C3orf20: variants seen among roughly 807,000 people sequenced by gnomAD.
The protein encoded by C3orf20 is uncharacterized protein C3orf20.
In C3orf20, 76 loss-of-function variants were observed where a neutral mutation model predicts 88.3. The ratio of observed to expected loss-of-function variants is 0.86; its 90% CI spans 0.72 to 1.04. The LOEUF (loss-of-function observed/expected upper bound fraction) is 1.04, where lower values mean the gene tolerates loss of function less well. C3orf20 is among the 50% of genes least tolerant of loss of function. The pLI, the probability that C3orf20 is intolerant of heterozygous loss-of-function variation, is 0.00. For synonymous variants in C3orf20, 436 were observed against 437.4 expected (o/e 1.00, Z 0.04); for missense variants, 1,056 against 1,123.3 (o/e 0.94, Z 0.86).
intron 12 of C3orf20, among the ~76,000 whole-genome samples, chr3:14,753,259 G>T (rs1370181793): frequency 4.6e-5 from 7 of 152,096 alleles, no homozygotes; most frequent in African/African-American, 1.7e-4. Flanking sequence ...AACACCACAT[G>T]TTGTCACTCA....
At chr3:14,693,703 T>A (rs1301859028) in intron 5 of C3orf20, among the ~76,000 whole-genome samples, 5 of 152,184 alleles carry the variant, frequency 3.3e-5, no homozygotes, top group Admixed American at 2.6e-4. Context: ...TTCTGATTGC[T>A]CTAGCCAGGA....
chr3:14,737,602 G>A (rs916792855), intron 12 of C3orf20, among the ~76,000 whole-genome samples: 1 of 152,252 alleles, frequency 6.6e-6, no homozygotes, highest in African/African-American at 2.4e-5. Context: ...TTTGCTGGTG[G>A]AGTGTCTTGC....
At position 14,760,606 on chromosome 3, in the gene C3orf20, C is replaced by CTTT. The variant is rs33982218; in HGVS notation, c.2352+627_2352+629dup. On this transcript the variant is annotated intron_variant, in intron 14 of 16. Coordinates refer to ENST00000253697, the MANE Select transcript of C3orf20 (RefSeq NM_032137.5). ...TAACTACTGTGTAAGAGTCTGTCTT[C>CTTT]TTTTTTTTTTTTTTTTTTTTTGAGA... Among the ~76,000 whole-genome samples the CTTT allele has an allele frequency of 2.1e-3, 202 of 97,760 alleles. 3 individuals carry two copies. The highest frequency in any genetic ancestry group is 3.0e-3 in the Non-Finnish European group (155 of 51,800). 64.1% of individuals were successfully genotyped at this position (97,760 alleles called of 152,430 possible).
chr3:14,684,695 C>A (rs2032304291), intron 4 of C3orf20, among the ~76,000 whole-genome samples: 1 of 152,222 alleles, frequency 6.6e-6, no homozygotes, highest in Non-Finnish European at 1.5e-5. Context: ...AATTTCCAGT[C>A]TGTTGTGGAC....
chr3:14,685,178 T>C (rs1029288592), intron 4 of C3orf20, among the ~76,000 whole-genome samples: 1 of 152,022 alleles, frequency 6.6e-6, no homozygotes, highest in African/African-American at 2.4e-5. Context: ...AGCATAGATA[T>C]TTACAGAGAG....
At chr3:14,764,480 T>TTTATTATTATTATTATTA (rs374160361) in intron 15 of C3orf20, among the ~76,000 whole-genome samples, 27 of 148,746 alleles carry the variant, frequency 1.8e-4, no homozygotes, top group Admixed American at 2.7e-4. Flanking sequence ...AACACAATCG[T>TTTATTATTATTATTATTA]TTATTATTAT....
At chr3:14,730,850 G>T (rs9834046) in intron 12 of C3orf20, among the ~76,000 whole-genome samples, 24,195 of 152,174 alleles carry the variant, frequency 0.16, 2,180 homozygotes, top group Non-Finnish European at 0.2. Context: ...CTGTAATGAT[G>T]AAATGTGTTG....
chr3:14,706,588 T>C (rs11919949), intron 7 of C3orf20, among the ~76,000 whole-genome samples: 1,441 of 124,704 alleles, frequency 0.012, 22 homozygotes, highest in African/African-American at 0.041. Context: ...TTTTGATCCA[T>C]TGCTACTGGC....
chr3:14,757,252 G>A lies in C3orf20; in HGVS notation c.1941-119G>A, dbSNP rs2035400205. The stretch of plus-strand genomic sequence containing the variant: ...AGGTGGTGCAGCACATTGGCAGCAG[G>A]GCCCAGACTAAAATCTGCCTGCAGC... On this transcript the variant is annotated intron_variant, in intron 12 of 16. Coordinates refer to ENST00000253697, the MANE Select transcript of C3orf20 (RefSeq NM_032137.5). 4.9e-6 allele frequency: 4 copies of A among 814,712 alleles called. No individual in the cohort carries two copies. The East Asian group carries it at 1.1e-4, about 22-fold the overall frequency. The allele number at this position is 814,712 out of a possible 1,614,324, so 50.5% of individuals were successfully genotyped here.
chr3:14,690,484 G>A (rs993711775), intron 5 of C3orf20, among the ~76,000 whole-genome samples: 3 of 152,202 alleles, frequency 2.0e-5, no homozygotes, highest in African/African-American at 7.2e-5. Flanking sequence ...CACAGCAAGT[G>A]GGGGAACTAG....
intron 1 of C3orf20, among the ~76,000 whole-genome samples, chr3:14,676,319 G>C (rs2031769137): frequency 6.6e-6 from 1 of 151,964 alleles, no homozygotes; most frequent in South Asian, 2.1e-4. Context: ...TGGGAACCCA[G>C]GTTTTATTGC....
chr3:14,756,947 C>G (rs1472044866), intron 12 of C3orf20, among the ~76,000 whole-genome samples: 2 of 152,056 alleles, frequency 1.3e-5, no homozygotes, highest in Non-Finnish European at 2.9e-5. Context: ...AACACAGGAC[C>G]CATTAGGAGG....
At chr3:14,729,824 C>T (rs1468493120) in intron 12 of C3orf20, among the ~76,000 whole-genome samples, 2 of 152,174 alleles carry the variant, frequency 1.3e-5, no homozygotes, top group Non-Finnish European at 2.9e-5. Context: ...GGATTACAGG[C>T]GTGAGCCACT....
chr3:14,771,922 C>A, intron 15 of C3orf20, 145 bp from the exon 16 acceptor site: 1 of 1,030,178 alleles, frequency 9.7e-7, no homozygotes, highest in East Asian at 2.5e-5. Flanking sequence ...CACTGGGTCC[C>A]CAAGGAGGTC....
intron 7 of C3orf20, among the ~76,000 whole-genome samples, chr3:14,706,536 T>G (rs899372009): frequency 1.8e-5 from 1 of 54,478 alleles, no homozygotes; most frequent in African/African-American, 7.3e-5. Context: ...CTGAGCACCC[T>G]CCCACCCCCC....
At position 14,728,021 on chromosome 3, in the gene C3orf20, T is replaced by C. The variant is rs148694900; in HGVS notation, c.1691-418T>C. Reference sequence around the variant, plus strand: ...TAGTAGGGAAAGCAAGACAAGAATATAAATAAATACAATACAACAAAGAAA... The same window carrying C: ...TAGTAGGGAAAGCAAGACAAGAATACAAATAAATACAATACAACAAAGAAA... On this transcript the variant is annotated intron_variant, in intron 11 of 16. Transcript: ENST00000253697. Among the ~76,000 whole-genome samples the C allele has an allele frequency of 1.2e-3, 179 of 152,018 alleles. 1 individual carries two copies. The highest frequency in any genetic ancestry group is 3.9e-3 in the African/African-American group (162 of 41,436).
At chr3:14,700,539 G>T (rs2033211288) in intron 5 of C3orf20, among the ~76,000 whole-genome samples, 1 of 152,186 alleles carries the variant, frequency 6.6e-6, no homozygotes, top group Non-Finnish European at 1.5e-5. Flanking sequence ...GGACTCGGGG[G>T]ATTGCTACAT....
chr3:14,772,801 C>T lies in C3orf20; in HGVS notation c.2641C>T (p.Pro881Ser), dbSNP rs772121349. 3.1e-6 allele frequency: 5 copies of T among 1,613,354 alleles called. No individual in the cohort carries two copies. The highest frequency in any genetic ancestry group is 4.2e-6 in the Non-Finnish European group (5 of 1,179,468). The change falls in exon 17 of 17, where the codon CCT (proline) becomes TCT (serine). Residue 881 changes from proline (P) to serine (S), a missense_variant. Physicochemically the swap from Pro to Ser is moderately conservative, Grantham distance 74. Coordinates refer to ENST00000253697, the MANE Select transcript of C3orf20 (RefSeq NM_032137.5). The surrounding 1 kb of genome is among the most constrained non-coding windows in gnomAD (Gnocchi z 4.2). Reference sequence around the variant, plus strand: ...TATTTTGATCTTTAGGACAAGAGAGCCTGAAGTGGAGCTACATCCTCTCAG... The same window carrying T: ...TATTTTGATCTTTAGGACAAGAGAGTCTGAAGTGGAGCTACATCCTCTCAG... Reference protein sequence around the residue: ...LSLEAEKTREPEVELHPLSRD... With the variant: ...LSLEAEKTRESEVELHPLSRD...
chr3:14,732,779 A>G (rs980810353), intron 12 of C3orf20, among the ~76,000 whole-genome samples: 3 of 152,160 alleles, frequency 2.0e-5, no homozygotes, highest in African/African-American at 7.2e-5. Context: ...GGCCTAACCC[A>G]ATGTCACAAA....
Sources: allele counts gnomAD v4.1 joint callset (sites outside exome capture counted in the v4.1 genomes callset), GRCh38; gene constraint gnomAD v4.1.1; non-coding constraint Gnocchi (gnomAD v3.1); transcripts MANE v1.5; gene names NCBI Gene and HGNC (gene_info 2026-07-23, HGNC 2026-07-21).